ACVR1C: variants seen among roughly 807,000 people sequenced by gnomAD.
The protein encoded by ACVR1C is activin receptor type-1C.
Under a neutral mutation model 57.9 loss-of-function variants are expected in ACVR1C, and 23 were observed. The observed-to-expected ratio is 0.40, with a 90% CI of 0.29 to 0.56. ACVR1C has a LOEUF of 0.56. Ranked by LOEUF, ACVR1C falls within the 20% of genes least tolerant of loss-of-function variation. The probability of loss-of-function intolerance (pLI) is 0.50; values close to 1 mark genes in which losing one functional copy is unlikely to be tolerated. For synonymous variants in ACVR1C, 214 were observed against 215.3 expected (o/e 0.99, Z 0.05); for missense variants, 480 against 607.9 (o/e 0.79, Z 2.21).
intron 2 of ACVR1C, among the ~76,000 whole-genome samples, chr2:157,584,705 T>C (rs1268557776): frequency 1.1e-4 from 17 of 152,182 alleles, no homozygotes; most frequent in Admixed American, 1.1e-3. Flanking sequence ...AAGCATATAC[T>C]TATCATGTGA....
intron 2 of ACVR1C, among the ~76,000 whole-genome samples, chr2:157,576,800 A>G (rs1358158363): frequency 7.7e-6 from 1 of 130,098 alleles, no homozygotes; most frequent in Non-Finnish European, 1.6e-5. Flanking sequence ...GTTTAGCACA[A>G]TTTTCTGGTA....
chr2:157,537,462 T>G (rs1469065465), intron 8 of ACVR1C, among the ~76,000 whole-genome samples: 1 of 151,484 alleles, frequency 6.6e-6, no homozygotes, highest in African/African-American at 2.4e-5. Flanking sequence ...CTCAAGTATG[T>G]AGGTAAGACA....
intron 8 of ACVR1C, among the ~76,000 whole-genome samples, chr2:157,537,046 G>C (rs146989625): frequency 3.3e-5 from 5 of 152,076 alleles, no homozygotes; most frequent in African/African-American, 7.2e-5. Flanking sequence ...AAAATGGACA[G>C]ATTATAGCTA....
intron 2 of ACVR1C, 104 bp downstream of exon 2, chr2:157,587,083 A>G: frequency 9.3e-7 from 1 of 1,076,400 alleles, no homozygotes; most frequent in Non-Finnish European, 1.3e-6. Flanking sequence ...ACTGTAAAAC[A>G]GATTTTCCTA....
chr2:157,619,902 G>T (rs1321380531), intron 1 of ACVR1C, among the ~76,000 whole-genome samples: 1 of 151,788 alleles, frequency 6.6e-6, no homozygotes, highest in African/African-American at 2.4e-5. Flanking sequence ...AATATTAAAG[G>T]GGCCATCACT....
At chr2:157,550,108 G>T in intron 4 of ACVR1C, 54 bp downstream of exon 4, 2 of 1,495,570 alleles carry the variant, frequency 1.3e-6, no homozygotes, top group Non-Finnish European at 1.8e-6. Context: ...TTGAGACAGA[G>T]TCTCGCTCTA....
chr2:157,527,421 T>C lies in ACVR1C; in HGVS notation c.*6497A>G, dbSNP rs1442672518. 1 of 152,204 alleles carries C rather than the reference T, an allele frequency of 6.6e-6. No individual in the cohort carries two copies. The highest frequency in any genetic ancestry group is 1.5e-5 in the Non-Finnish European group (1 of 68,020). The allele number at this position is 152,204 out of a possible 1,614,324, so 9.4% of individuals were successfully genotyped here. ...CAAGAGTTCAAGGCATGTTTTGCAA[T>C]GTCAAAATGCAATGGTTTTGACATT... On this transcript the variant is annotated 3_prime_UTR_variant, in exon 9 of 9. Coordinates refer to ENST00000243349, the MANE Select transcript of ACVR1C (RefSeq NM_145259.3).
chr2:157,565,922 G>C lies in ACVR1C; in HGVS notation c.305-9590C>G, dbSNP rs145848421. Among the ~76,000 whole-genome samples the C allele has an allele frequency of 5.1e-3, 783 of 152,226 alleles. 4 individuals are homozygous for C. Among genetic ancestry groups the C allele is most frequent in the African/African-American group, 0.018 (739 of 41,546 alleles). On this transcript the variant is annotated intron_variant, in intron 2 of 8. Transcript: ENST00000243349. ...ACATTTTTACGCTTTAAAGAAACAA[G>C]AATCTTGGATTAAGGAATATAATCG...
At chr2:157,579,655 A>G (rs1688739357) in intron 2 of ACVR1C, among the ~76,000 whole-genome samples, 1 of 152,134 alleles carries the variant, frequency 6.6e-6, no homozygotes, top group South Asian at 2.1e-4. Flanking sequence ...GTCCTTATTC[A>G]TACTGCCTCA....
At chr2:157,583,254 T>C (rs925239979) in intron 2 of ACVR1C, among the ~76,000 whole-genome samples, 2 of 152,200 alleles carry the variant, frequency 1.3e-5, no homozygotes, top group Non-Finnish European at 2.9e-5. Context: ...CATTTAGAAA[T>C]TGAGATATTA....
Position 157,533,882 on chromosome 2 carries a change from G to T in ACVR1C, c.*36C>A, listed in dbSNP as rs571782837. 2.0e-6 allele frequency: 3 copies of T among 1,499,102 alleles called. No homozygotes were observed. Among genetic ancestry groups the T allele is most frequent in the Non-Finnish European group, 2.7e-6 (3 of 1,127,624 alleles). 92.9% of individuals were successfully genotyped at this position (1,499,102 alleles called of 1,614,324 possible). On this transcript the variant is annotated 3_prime_UTR_variant, in exon 9 of 9. Coordinates refer to ENST00000243349, the MANE Select transcript of ACVR1C (RefSeq NM_145259.3). The stretch of plus-strand genomic sequence containing the variant: ...CATAAAGGGGAAAATGGAAAAGAAA[G>T]CTATGAGAGATTTCTTTTTAACATA...
intron 4 of ACVR1C, among the ~76,000 whole-genome samples, chr2:157,549,487 T>A (rs1687857795): frequency 6.6e-6 from 1 of 152,126 alleles, no homozygotes; most frequent in Non-Finnish European, 1.5e-5. Flanking sequence ...TCTCCAGGAT[T>A]CTGTTCTACT....
At chr2:157,583,988 A>T (rs560969716) in intron 2 of ACVR1C, among the ~76,000 whole-genome samples, 1 of 152,272 alleles carries the variant, frequency 6.6e-6, no homozygotes, top group Admixed American at 6.5e-5. Context: ...GTAAACTATC[A>T]TAATTTTTTT....
chr2:157,545,970 C>T (rs958862241), intron 4 of ACVR1C, among the ~76,000 whole-genome samples: 4 of 152,068 alleles, frequency 2.6e-5, no homozygotes, highest in East Asian at 1.9e-4. Context: ...TTAGTAGAAA[C>T]GGGGTTTCAC....
At chr2:157,551,574 T>C (rs1403932527) in intron 3 of ACVR1C, among the ~76,000 whole-genome samples, 1 of 152,234 alleles carries the variant, frequency 6.6e-6, no homozygotes, top group Non-Finnish European at 1.5e-5. Flanking sequence ...AATGTTATGA[T>C]GGTTATTTCT....
intron 2 of ACVR1C, among the ~76,000 whole-genome samples, chr2:157,563,548 A>G (rs1393921524): frequency 2.6e-5 from 4 of 152,234 alleles, no homozygotes; most frequent in Non-Finnish European, 4.4e-5. Flanking sequence ...TGCCTAAATT[A>G]ATCTACAGAT....
At position 157,530,422 on chromosome 2, in the gene ACVR1C, A is replaced by G. The variant is rs1340020352; in HGVS notation, c.*3496T>C. The G allele has an allele frequency of 6.6e-6, 1 of 152,086 alleles. No homozygotes were observed. Among genetic ancestry groups the G allele is most frequent in the Non-Finnish European group, 1.5e-5 (1 of 67,990 alleles). The allele number at this position is 152,086 out of a possible 1,614,324, so 9.4% of individuals were successfully genotyped here. On this transcript the variant is annotated 3_prime_UTR_variant, in exon 9 of 9. Transcript: ENST00000243349. ...TCCCTGGTGCTTTTGTGCAGACTCA[A>G]AGACAACCCTGAGTTTTCTCTGCCC...
chr2:157,622,912 A>G (rs898318681), intron 1 of ACVR1C, among the ~76,000 whole-genome samples: 1 of 151,998 alleles, frequency 6.6e-6, no homozygotes, highest in African/African-American at 2.4e-5. Flanking sequence ...CACTGTAGGG[A>G]AAAAAAATCT....
rs1687318245 is a variant in ACVR1C at position 157,529,890 on chromosome 2, A to AT, written c.*4027dup. 4 of 152,078 alleles carry AT rather than the reference A, an allele frequency of 2.6e-5. No individual in the cohort carries two copies. Among genetic ancestry groups the AT allele is most frequent in the African/African-American group, 9.7e-5 (4 of 41,446 alleles). 9.4% of individuals were successfully genotyped at this position (152,078 alleles called of 1,614,324 possible). On this transcript the variant is annotated 3_prime_UTR_variant, in exon 9 of 9. Transcript: ENST00000243349. ...TATAAAAATTCTATTTAATATTAAC[A>AT]TTTTTTAAAAACTTACATTCCAATT...
Sources: allele counts gnomAD v4.1 joint callset (sites outside exome capture counted in the v4.1 genomes callset), GRCh38; gene constraint gnomAD v4.1.1; transcripts MANE v1.5; gene names NCBI Gene and HGNC (gene_info 2026-07-23, HGNC 2026-07-21).